MTM1: variants seen among roughly 807,000 people sequenced by gnomAD.
The protein encoded by MTM1 is myotubularin.
In MTM1, 9 loss-of-function variants were observed where a neutral mutation model predicts 52.1. The observed-to-expected ratio is 0.17, with a 90% CI of 0.10 to 0.30. The LOEUF is 0.30. Ranked by LOEUF, MTM1 falls within the 10% of genes least tolerant of loss-of-function variation. MTM1 has a pLI of 1.00. For synonymous variants in MTM1, 136 were observed against 163.8 expected (o/e 0.83, Z 1.29); for missense variants, 277 against 470.7 (o/e 0.59, Z 3.81).
intron 4 of MTM1, among the ~76,000 whole-genome samples, chrX:150,606,122 C>T (rs2039153357): frequency 9.0e-6 from 1 of 110,732 alleles, no homozygotes; most frequent in East Asian, 2.8e-4. Flanking sequence ...GCTAAATAGA[C>T]TATAATAAAA....
At chrX:150,603,733 T>C (rs1467571370) in intron 4 of MTM1, among the ~76,000 whole-genome samples, 1 of 112,084 alleles carries the variant, frequency 8.9e-6, no homozygotes, top group Non-Finnish European at 1.9e-5. Flanking sequence ...TCAGAAGCAG[T>C]TGGAAACCTG....
rs1394040669 is a variant in MTM1, at chrX:150,583,932, T to TATA, written c.-10-8673_-10-8672insATA. 7.1e-4 allele frequency among the ~76,000 whole-genome samples: 37 copies of TATA among 52,464 alleles called. 1 individual carries two copies. Among genetic ancestry groups the TATA allele is most frequent in the African/African-American group, 2.5e-3 (37 of 14,670 alleles). 45.6% of individuals were successfully genotyped at this position (52,464 alleles called of 115,157 possible). On this transcript the variant is annotated intron_variant, in intron 1 of 14. Coordinates refer to ENST00000370396, the MANE Select transcript of MTM1 (RefSeq NM_000252.3). ...TATATAATATAAAATATATATTAAA[T>TATA]TAAAATATATATATTAAATATATGT...
At chrX:150,670,123 G>A (rs1557415098) in intron 14 of MTM1, among the ~76,000 whole-genome samples, 1 of 112,280 alleles carries the variant, frequency 8.9e-6, no homozygotes. Flanking sequence ...ACCTGGGTGT[G>A]ATTACCTAAA....
At chrX:150,584,349 A>G (rs1028788099) in intron 1 of MTM1, among the ~76,000 whole-genome samples, 4 of 110,801 alleles carry the variant, frequency 3.6e-5, no homozygotes, top group African/African-American at 6.6e-5. Flanking sequence ...TAATGATTCC[A>G]TTTACATAAG....
At chrX:150,601,341 T>C (rs1337781167) in intron 4 of MTM1, among the ~76,000 whole-genome samples, 1 of 111,973 alleles carries the variant, frequency 8.9e-6, no homozygotes, top group Non-Finnish European at 1.9e-5. Flanking sequence ...ATTTAAATGG[T>C]TATACAGGAG....
At chrX:150,646,635 C>T (rs2039935848) in intron 9 of MTM1, among the ~76,000 whole-genome samples, 1 of 112,524 alleles carries the variant, frequency 8.9e-6, no homozygotes, top group South Asian at 3.7e-4. Flanking sequence ...CTTTCAAATG[C>T]TCACGAGGGG....
intron 9 of MTM1, among the ~76,000 whole-genome samples, chrX:150,647,126 A>G (rs1210067492): frequency 9.4e-6 from 1 of 106,698 alleles, no homozygotes; most frequent in African/African-American, 3.5e-5. Flanking sequence ...AACTCTAAAT[A>G]TCTTCTTGGA....
At chrX:150,583,982 ATATAT>A (rs1369615150) in intron 1 of MTM1, among the ~76,000 whole-genome samples, 3 of 85,134 alleles carry the variant, frequency 3.5e-5, no homozygotes, top group Non-Finnish European at 6.6e-5. Context: ...TATTTTAAAA[ATATAT>A]TAAATATATA....
At chrX:150,623,832 C>T (rs188394265) in intron 6 of MTM1, among the ~76,000 whole-genome samples, 91 of 111,335 alleles carry the variant, frequency 8.2e-4, no homozygotes, top group African/African-American at 2.9e-3. Context: ...ATACAAAGGG[C>T]CCCTGCTTGA....
chrX:150,587,690 C>T (rs1557412325), intron 1 of MTM1, among the ~76,000 whole-genome samples: 2 of 111,260 alleles, frequency 1.8e-5, no homozygotes. Flanking sequence ...GGCCTACAAT[C>T]CAAGCTACTT....
chrX:150,640,348 T>G (rs1238527888), intron 7 of MTM1, among the ~76,000 whole-genome samples: 3 of 111,802 alleles, frequency 2.7e-5, no homozygotes, highest in Non-Finnish European at 3.8e-5. Context: ...TATTCAATCT[T>G]TTTTTCTTAT....
At chrX:150,657,515 C>T (rs1557414481) in intron 10 of MTM1, among the ~76,000 whole-genome samples, 5 of 107,439 alleles carry the variant, frequency 4.7e-5, no homozygotes, top group African/African-American at 1.7e-4. Flanking sequence ...ATACCTAATG[C>T]TAAATGACGA....
At chrX:150,648,343 A>G (rs1444986850) in intron 9 of MTM1, among the ~76,000 whole-genome samples, 1 of 110,804 alleles carries the variant, frequency 9.0e-6, no homozygotes, top group Non-Finnish European at 1.9e-5. Context: ...AACAAAAAAC[A>G]AAAAAAAACC....
chrX:150,639,191 A>G (rs781873180), intron 7 of MTM1, among the ~76,000 whole-genome samples, 165 bp downstream of exon 7: 2 of 112,368 alleles, frequency 1.8e-5, no homozygotes, highest in Non-Finnish European at 3.8e-5. Flanking sequence ...CATTCTATCT[A>G]TTACTGTATA....
chrX:150,662,984 C>T (rs1238471554), intron 13 of MTM1, among the ~76,000 whole-genome samples: 3 of 112,280 alleles, frequency 2.7e-5, no homozygotes, highest in African/African-American at 9.7e-5. Flanking sequence ...ATTAAAATAA[C>T]TGTGTCCAGA....
At chrX:150,648,143 C>T (rs1557414072) in intron 9 of MTM1, among the ~76,000 whole-genome samples, 1 of 111,456 alleles carries the variant, frequency 9.0e-6, no homozygotes, top group African/African-American at 3.3e-5. Flanking sequence ...TTACTGTCTA[C>T]TTACCAGTGA....
intron 4 of MTM1, among the ~76,000 whole-genome samples, chrX:150,605,255 G>C (rs1241244971): frequency 8.9e-6 from 1 of 111,891 alleles, no homozygotes; most frequent in Non-Finnish European, 1.9e-5. Context: ...ATGGAATATA[G>C]GAAATGTGGA....
At chrX:150,581,681 A>G (rs1304408849) in intron 1 of MTM1, among the ~76,000 whole-genome samples, 1 of 111,734 alleles carries the variant, frequency 8.9e-6, no homozygotes, top group Non-Finnish European at 1.9e-5. Context: ...TCATTTTAAT[A>G]TGATCATCTA....
intron 6 of MTM1, among the ~76,000 whole-genome samples, chrX:150,627,964 G>C (rs782346757): frequency 9.0e-6 from 1 of 111,668 alleles, no homozygotes; most frequent in Non-Finnish European, 1.9e-5. Flanking sequence ...TTCTAGTGGG[G>C]GATGGTGGCA....
Sources: allele counts gnomAD v4.1 joint callset (sites outside exome capture counted in the v4.1 genomes callset), GRCh38; gene constraint gnomAD v4.1.1; transcripts MANE v1.5; gene names NCBI Gene and HGNC (gene_info 2026-07-23, HGNC 2026-07-21).